Variants in CPNE4 observed in about 807,000 individuals in gnomAD.
CPNE4 encodes copine-4.
A neutral mutation model predicts 67.9 loss-of-function variants in CPNE4; 25 were observed. The observed-to-expected ratio is 0.37, with a 90% confidence interval of 0.27 to 0.51. The LOEUF (loss-of-function observed/expected upper bound fraction) is 0.51, where lower values mean the gene tolerates loss of function less well. Among genes scored for constraint, CPNE4 ranks in the 20% least tolerant of loss-of-function variants. The probability of loss-of-function intolerance (pLI) is 0.93; values close to 1 mark genes in which losing one functional copy is unlikely to be tolerated. For missense variants in CPNE4, 464 were observed against 690.8 expected (o/e 0.67, Z 3.68); for synonymous variants, 242 against 244.9 (o/e 0.99, Z 0.11).
At chr3:131,876,500 G>A (rs2107706954) in intron 2 of CPNE4, among the ~76,000 whole-genome samples, 1 of 151,622 alleles carries the variant, frequency 6.6e-6, no homozygotes, top group East Asian at 1.9e-4. Flanking sequence ...AGATTAGCCA[G>A]ATGTGGTGGC....
rs142221125 is a variant in CPNE4, at chr3:131,779,450, A to G, written c.181-55825T>C. On this transcript the variant is annotated intron_variant, in intron 2 of 15. Transcript: ENST00000429747. ...TCAAACAATACTGCAAAGCTACAGTAACTAAAATGGCATGGTACTCGTAGA... is the reference window on the plus strand; with the variant it reads ...TCAAACAATACTGCAAAGCTACAGTGACTAAAATGGCATGGTACTCGTAGA... 1.5e-3 allele frequency among the ~76,000 whole-genome samples: 235 copies of G among 152,288 alleles called. 1 individual carries two copies. The highest frequency in any genetic ancestry group is 5.5e-3 in the African/African-American group (229 of 41,572).
intron 2 of CPNE4, among the ~76,000 whole-genome samples, chr3:131,904,510 T>C (rs2088672157): frequency 6.6e-6 from 1 of 152,088 alleles, no homozygotes; most frequent in Admixed American, 6.6e-5. Flanking sequence ...TATGTTTCTC[T>C]ATAGATCTAC....
intron 7 of CPNE4, among the ~76,000 whole-genome samples, chr3:131,661,446 G>A (rs1253366755): frequency 6.6e-6 from 1 of 152,218 alleles, no homozygotes; most frequent in Non-Finnish European, 1.5e-5. Context: ...AAGCCTGCAT[G>A]ATTTAACACT....
At chr3:131,561,766 G>A (rs1029863340) in intron 11 of CPNE4, among the ~76,000 whole-genome samples, 1 of 152,018 alleles carries the variant, frequency 6.6e-6, no homozygotes, top group African/African-American at 2.4e-5. Context: ...TGACTTTGAT[G>A]TGAGAATAAA....
chr3:131,756,433 T>C (rs961113292), intron 2 of CPNE4, among the ~76,000 whole-genome samples: 1 of 152,220 alleles, frequency 6.6e-6, no homozygotes, highest in Non-Finnish European at 1.5e-5. Flanking sequence ...AAAATACCAT[T>C]ATAGGGCAGA....
At chr3:131,882,159 C>G (rs1252096969) in intron 2 of CPNE4, among the ~76,000 whole-genome samples, 1 of 146,088 alleles carries the variant, frequency 6.8e-6, no homozygotes, top group Non-Finnish European at 1.5e-5. Context: ...CACACACACA[C>G]ACAACCTACA....
chr3:131,580,033 A>G (rs1464261019), intron 9 of CPNE4, among the ~76,000 whole-genome samples: 1 of 152,184 alleles, frequency 6.6e-6, no homozygotes, highest in Non-Finnish European at 1.5e-5. Flanking sequence ...TTAAAGGAGG[A>G]GTCAATTAAT....
At chr3:131,630,988 GC>G (rs1297504505) in intron 7 of CPNE4, among the ~76,000 whole-genome samples, 5 of 152,212 alleles carry the variant, frequency 3.3e-5, no homozygotes, top group Admixed American at 2.0e-4. Flanking sequence ...GAAGTCTGAA[GC>G]CACTTGGACT....
At chr3:131,773,876 T>A (rs1310469835) in intron 2 of CPNE4, among the ~76,000 whole-genome samples, 1 of 152,174 alleles carries the variant, frequency 6.6e-6, no homozygotes, top group African/African-American at 2.4e-5. Context: ...GAAAACTCTT[T>A]ACAAATATTT....
intron 7 of CPNE4, among the ~76,000 whole-genome samples, chr3:131,653,000 G>A (rs190751940): frequency 2.0e-5 from 3 of 152,266 alleles, no homozygotes; most frequent in African/African-American, 7.2e-5. Flanking sequence ...TTAAGGTATG[G>A]TACCATTTTT....
chr3:131,792,299 GAA>G (rs990647556), intron 2 of CPNE4, among the ~76,000 whole-genome samples: 7 of 151,678 alleles, frequency 4.6e-5, no homozygotes, highest in African/African-American at 1.7e-4. Context: ...TCATTTTCAG[GAA>G]AGATATTTTA....
intron 7 of CPNE4, among the ~76,000 whole-genome samples, chr3:131,651,886 C>T (rs181564390): frequency 1.5e-3 from 230 of 152,212 alleles, no homozygotes; most frequent in Middle Eastern, 6.8e-3. Context: ...GTTTTTTTCA[C>T]TGGGATGATA....
intron 4 of CPNE4, among the ~76,000 whole-genome samples, chr3:131,697,258 C>A (rs116657927): frequency 0.018 from 2,718 of 152,154 alleles, 93 homozygotes; most frequent in African/African-American, 0.062. Flanking sequence ...CTCAACAAAG[C>A]CTTGGAGCAG....
chr3:131,665,552 A>G (rs1391323990), intron 7 of CPNE4, among the ~76,000 whole-genome samples: 1 of 151,948 alleles, frequency 6.6e-6, no homozygotes, highest in Non-Finnish European at 1.5e-5. Context: ...ATAGCTACTC[A>G]GGAGGCCAAG....
chr3:131,921,830 C>T (rs2070746377), intron 1 of CPNE4, among the ~76,000 whole-genome samples: 1 of 152,146 alleles, frequency 6.6e-6, no homozygotes, highest in African/African-American at 2.4e-5. Flanking sequence ...AAGACCAAGT[C>T]AGTGATCACA....
intron 14 of CPNE4, among the ~76,000 whole-genome samples, chr3:131,546,170 A>C (rs1309430962): frequency 6.6e-6 from 1 of 152,012 alleles, no homozygotes; most frequent in Admixed American, 6.6e-5. Context: ...AAGTTTAAGA[A>C]CTCCTGGTCT....
chr3:131,729,983 T>G (rs930614066), intron 2 of CPNE4, among the ~76,000 whole-genome samples: 1 of 152,250 alleles, frequency 6.6e-6, no homozygotes, highest in Non-Finnish European at 1.5e-5. Context: ...GGCACTTACA[T>G]GTTATCTTCT....
At chr3:131,857,887 T>C (rs1212412260) in intron 2 of CPNE4, among the ~76,000 whole-genome samples, 2 of 151,878 alleles carry the variant, frequency 1.3e-5, no homozygotes, top group African/African-American at 4.8e-5. Context: ...GTTAGGTGCT[T>C]AAAAAAATAA....
intron 2 of CPNE4, among the ~76,000 whole-genome samples, chr3:131,787,361 T>C (rs1383220473): frequency 6.6e-6 from 1 of 152,152 alleles, no homozygotes. Context: ...TGAACTGCAA[T>C]GCGGGGTTGA....
Sources: gnomAD v4.1 joint callset for allele counts (sites outside exome capture counted in the v4.1 genomes callset) on GRCh38, gnomAD v4.1.1 for gene constraint, MANE v1.5 for transcripts, NCBI Gene and HGNC (gene_info 2026-07-23, HGNC 2026-07-21) for gene names.